The following TBCK variants were observed in gnomAD, a reference collection of about 807,000 sequenced individuals.
The protein encoded by TBCK is TBC1 domain containing kinase, also known as TBC domain-containing protein kinase-like protein.
A neutral mutation model predicts 113.4 loss-of-function variants in TBCK; 99 were observed. The observed-to-expected ratio is 0.87, with a 90% CI of 0.74 to 1.03. The LOEUF (loss-of-function observed/expected upper bound fraction) is 1.03. Among genes scored for constraint, TBCK ranks in the 50% least tolerant of loss-of-function variants. The pLI, the probability that TBCK is intolerant of heterozygous loss-of-function variation, is 0.00. For synonymous variants in TBCK, 369 were observed against 370.8 expected (o/e 1.00, Z 0.05); for missense variants, 1,045 against 1,061.3 (o/e 0.98, Z 0.21).
At chr4:106,307,006 A>T (rs1443863559) in intron 2 of TBCK, among the ~76,000 whole-genome samples, 1 of 152,172 alleles carries the variant, frequency 6.6e-6, no homozygotes, top group Non-Finnish European at 1.5e-5. Context: ...AACTTTTTTT[A>T]CCACTCTCTT....
At chr4:106,313,826 A>C (rs935914473) in intron 1 of TBCK, among the ~76,000 whole-genome samples, 1 of 152,248 alleles carries the variant, frequency 6.6e-6, no homozygotes, top group African/African-American at 2.4e-5. Context: ...AGAAAGCAGA[A>C]AGGCAATTAA....
At chr4:106,268,527 AC>A (rs1763188466) in intron 3 of TBCK, among the ~76,000 whole-genome samples, 2 of 152,102 alleles carry the variant, frequency 1.3e-5, no homozygotes, top group South Asian at 4.1e-4. Flanking sequence ...ATAGAATAAC[AC>A]CTCAAGATAG....
chr4:106,267,900 T>C (rs1763134216), intron 3 of TBCK, among the ~76,000 whole-genome samples: 1 of 152,106 alleles, frequency 6.6e-6, no homozygotes, highest in Non-Finnish European at 1.5e-5. Flanking sequence ...ATTTAATTCT[T>C]AAGCAGAATG....
intron 19 of TBCK, among the ~76,000 whole-genome samples, chr4:106,214,319 C>T (rs1247011055): frequency 6.6e-6 from 1 of 152,204 alleles, no homozygotes; most frequent in African/African-American, 2.4e-5. Context: ...GCCTCTCCTC[C>T]TCCAAAGGAA....
intron 24 of TBCK, among the ~76,000 whole-genome samples, chr4:106,104,113 T>C (rs1414057649): frequency 1.3e-5 from 2 of 152,096 alleles, no homozygotes; most frequent in Non-Finnish European, 2.9e-5. Context: ...CCTGAAGCCT[T>C]AGATTATTAT....
At chr4:106,194,454 ATAGT>A (rs1753991280) in intron 21 of TBCK, among the ~76,000 whole-genome samples, 1 of 152,058 alleles carries the variant, frequency 6.6e-6, no homozygotes, top group African/African-American at 2.4e-5. Context: ...TGTAAATATT[ATAGT>A]TAATTTTTTT....
At chr4:106,136,833 G>T (rs1001829767) in intron 23 of TBCK, among the ~76,000 whole-genome samples, 1 of 140,890 alleles carries the variant, frequency 7.1e-6, no homozygotes, top group Non-Finnish European at 1.6e-5. Context: ...CCAGCAGAGA[G>T]CCTGGAACTC....
In TBCK at chr4:106,236,518, G is replaced by C. The variant is rs750893917; in HGVS notation, c.1222C>G (p.Gln408Glu). The change falls in exon 14 of 26, where the codon CAG becomes GAG. Residue 408 changes from glutamine to glutamate, a missense_variant and splice_region_variant. By Grantham distance (29) the Gln-to-Glu change is conservative (BLOSUM62 2). Transcript: ENST00000394708. ...EAFYPLLEDDQSNLPHSNSNN... is the reference protein window; with the variant it reads ...EAFYPLLEDDESNLPHSNSNN... ...CTGTTTGAATGAGGTAAATTAGACTGGCTGTAAAAGAGAACAAAAGCAATA... is the reference window on the plus strand; with the variant it reads ...CTGTTTGAATGAGGTAAATTAGACTCGCTGTAAAAGAGAACAAAAGCAATA... The C allele has an allele frequency of 6.7e-7, 1 of 1,499,362 alleles. No homozygotes were observed. The highest frequency in any genetic ancestry group is 8.9e-7 in the Non-Finnish European group (1 of 1,128,620). 92.9% of individuals were successfully genotyped at this position (1,499,362 alleles called of 1,614,324 possible).
intron 20 of TBCK, 41 bp downstream of exon 20, chr4:106,212,709 T>C (rs749439648): frequency 4.1e-5 from 59 of 1,440,776 alleles, no homozygotes; most frequent in Non-Finnish European, 5.2e-5. Context: ...TTCTGCTTTT[T>C]TTTTTTAACC....
Position 106,260,480 on chromosome 4 carries a change from A to G in TBCK, c.412T>C (p.Tyr138His). 1 of 1,400,590 alleles carries G rather than the reference A, an allele frequency of 7.1e-7. No individual in the cohort carries two copies. Among genetic ancestry groups the G allele is most frequent in the Non-Finnish European group, 9.5e-7 (1 of 1,054,516 alleles). The allele number at this position is 1,400,590 out of a possible 1,614,324, so 86.8% of individuals were successfully genotyped here. The change falls in exon 5 of 26, where the codon TAT becomes CAT. Residue 138 changes from tyrosine to histidine, a missense_variant. Transcript: ENST00000394708. ...GHIKLAKFGL[Y>H]HMTAHGDDVD... ...TCATCACCATGAGCTGTCATGTGAT[A>G]AAGTCCAAATTTAGCCAATTTAATA...
At chr4:106,269,289 T>C (rs777090774) in intron 3 of TBCK, among the ~76,000 whole-genome samples, 3 of 152,280 alleles carry the variant, frequency 2.0e-5, no homozygotes, top group Admixed American at 6.5e-5. Context: ...CTTTATAACT[T>C]GAACACAAAA....
chr4:106,122,689 G>A (rs1388211620), intron 23 of TBCK, among the ~76,000 whole-genome samples: 1 of 152,096 alleles, frequency 6.6e-6, no homozygotes, highest in African/African-American at 2.4e-5. Context: ...CATCAAGTGG[G>A]CTTCATCCCT....
Position 106,233,013 on chromosome 4 carries a change from GTGA to G in TBCK, c.1561_1563del (p.Ser521del). ...CGCCTAAATTTTGCATGACCTTCTG[GTGA>G]TGATAACAGTTCATCGTACTGATGA... On this transcript the variant is annotated inframe_deletion, in exon 17 of 26. Transcript: ENST00000394708. The G allele has an allele frequency of 1.2e-6, 2 of 1,612,132 alleles. No individual in the cohort carries two copies.
intron 19 of TBCK, among the ~76,000 whole-genome samples, chr4:106,220,672 C>G (rs1757575681): frequency 6.6e-6 from 1 of 151,998 alleles, no homozygotes; most frequent in African/African-American, 2.4e-5. Context: ...TCTACTGCCA[C>G]AAAATGCATT....
At chr4:106,221,083 C>T (rs1757623971) in intron 19 of TBCK, among the ~76,000 whole-genome samples, 1 of 152,128 alleles carries the variant, frequency 6.6e-6, no homozygotes, top group Non-Finnish European at 1.5e-5. Context: ...AATTACATGG[C>T]TAATTAAGGA....
intron 19 of TBCK, among the ~76,000 whole-genome samples, chr4:106,215,663 T>TA (rs1474147780): frequency 1.3e-5 from 2 of 152,010 alleles, no homozygotes; most frequent in African/African-American, 2.4e-5. Context: ...CAAGAAGAGC[T>TA]AACTATCCTA....
intron 1 of TBCK, among the ~76,000 whole-genome samples, chr4:106,312,920 G>C (rs1768352511): frequency 6.6e-6 from 1 of 152,164 alleles, no homozygotes; most frequent in Admixed American, 6.5e-5. Context: ...TACTGTAGAT[G>C]GGGGAGAGGG....
At chr4:106,283,521 C>G in intron 3 of TBCK, among the ~76,000 whole-genome samples, 1 of 152,050 alleles carries the variant, frequency 6.6e-6, no homozygotes, top group East Asian at 1.9e-4. Context: ...TTGGAGATAA[C>G]AGGGTTGAGC....
intron 24 of TBCK, among the ~76,000 whole-genome samples, chr4:106,114,098 C>A (rs1242292684): frequency 6.6e-6 from 1 of 152,216 alleles, no homozygotes; most frequent in African/African-American, 2.4e-5. Flanking sequence ...GGAATGCGAG[C>A]AGTGCCCGCC....
Sources: gnomAD v4.1 joint callset for allele counts (sites outside exome capture counted in the v4.1 genomes callset) on GRCh38, gnomAD v4.1.1 for gene constraint, MANE v1.5 for transcripts, NCBI Gene and HGNC (gene_info 2026-07-23, HGNC 2026-07-21) for gene names.